Variants in MGAT4A observed in about 807,000 individuals in gnomAD.
MGAT4A encodes the protein alpha-1,3-mannosyl-glycoprotein 4-beta-N-acetylglucosaminyltransferase A, also known as N-acetylglucosaminyltransferase IVa.
In MGAT4A, 33 loss-of-function variants were observed where a neutral mutation model predicts 74.1. The ratio of observed to expected loss-of-function variants is 0.45; its 90% CI spans 0.34 to 0.60. MGAT4A has a LOEUF of 0.60. MGAT4A is among the 20% of genes least tolerant of loss of function. The probability of loss-of-function intolerance (pLI) is 0.02; values close to 1 mark genes in which losing one functional copy is unlikely to be tolerated. For synonymous variants in MGAT4A, 198 were observed against 210.4 expected, an observed-to-expected ratio of 0.94 and a Z score of 0.51; for missense variants, 479 against 628.3, an observed-to-expected ratio of 0.76 and a Z score of 2.54.
rs1244948535 is a variant in MGAT4A at position 98,623,157 on chromosome 2, A to G, written c.*2409T>C. 1.0e-6 allele frequency: 1 copy of G among 985,380 alleles called. No homozygotes were observed. The highest frequency in any genetic ancestry group is 1.7e-5 in the African/African-American group (1 of 57,252). The allele number at this position is 985,380 out of a possible 1,614,324, so 61.0% of individuals were successfully genotyped here. Reference sequence around the variant, plus strand: ...GGTAGATTCATGGGGAGAGAAGCACAAAAAAGTCCTGGAATGATAGGAAAG... The same window carrying G: ...GGTAGATTCATGGGGAGAGAAGCACGAAAAAGTCCTGGAATGATAGGAAAG... On this transcript the variant is annotated 3_prime_UTR_variant, in exon 16 of 16. Transcript: ENST00000393487.
chr2:98,678,235 A>C (rs1702005411), intron 3 of MGAT4A, 69 bp downstream of exon 3: 1 of 253,184 alleles, frequency 3.9e-6, no homozygotes, highest in African/African-American at 3.1e-5. Context: ...GTCTCAAAGA[A>C]AAAAAAAAAA....
chr2:98,686,975 A>G (rs1405776530), intron 2 of MGAT4A, among the ~76,000 whole-genome samples: 2 of 152,330 alleles, frequency 1.3e-5, no homozygotes, highest in East Asian at 3.9e-4. Context: ...CTATATGTTT[A>G]TAACAGCTCT....
At chr2:98,689,861 A>G (rs1702171999) in intron 2 of MGAT4A, among the ~76,000 whole-genome samples, 1 of 152,150 alleles carries the variant, frequency 6.6e-6, no homozygotes, top group South Asian at 2.1e-4. Flanking sequence ...GAAGACTTTG[A>G]AAGGTGGAAA....
chr2:98,686,190 T>C (rs958894022), intron 2 of MGAT4A, among the ~76,000 whole-genome samples: 4 of 152,118 alleles, frequency 2.6e-5, no homozygotes, highest in Non-Finnish European at 4.4e-5. Context: ...ATTCTGAAAA[T>C]AGCTGCACCC....
intron 14 of MGAT4A, among the ~76,000 whole-genome samples, chr2:98,631,392 G>T (rs898750592): frequency 6.6e-6 from 1 of 152,226 alleles, no homozygotes; most frequent in Non-Finnish European, 1.5e-5. Flanking sequence ...CCTCGGGCCT[G>T]TGCCCACCGA....
chr2:98,728,580 T>A (rs1242881638), intron 1 of MGAT4A, among the ~76,000 whole-genome samples: 2 of 152,054 alleles, frequency 1.3e-5, no homozygotes, highest in African/African-American at 4.8e-5. Context: ...AAACCCTGTC[T>A]CTATTAAAAA....
At chr2:98,632,063 T>A (rs549574201) in intron 14 of MGAT4A, among the ~76,000 whole-genome samples, 1 of 151,656 alleles carries the variant, frequency 6.6e-6, no homozygotes, top group Admixed American at 6.6e-5. Context: ...TGAGCCGGGA[T>A]TGCACTACTG....
intron 2 of MGAT4A, among the ~76,000 whole-genome samples, chr2:98,682,520 T>TA (rs1702075622): frequency 6.8e-6 from 1 of 146,842 alleles, no homozygotes; most frequent in African/African-American, 2.5e-5. Context: ...AACTAACAGG[T>TA]GAAAGTCTAA....
At chr2:98,723,840 C>A (rs1349844019) in intron 2 of MGAT4A, among the ~76,000 whole-genome samples, 1 of 152,114 alleles carries the variant, frequency 6.6e-6, no homozygotes, top group Non-Finnish European at 1.5e-5. Flanking sequence ...AGCAACAGAC[C>A]AATAGCTAGG....
intron 2 of MGAT4A, among the ~76,000 whole-genome samples, chr2:98,701,881 CAA>C (rs1559172662): frequency 6.6e-6 from 1 of 152,156 alleles, no homozygotes; most frequent in Non-Finnish European, 1.5e-5. Context: ...ATTTACAGCT[CAA>C]AGAGTCCCAG....
intron 4 of MGAT4A, among the ~76,000 whole-genome samples, chr2:98,674,430 A>C (rs1701952362): frequency 6.6e-6 from 1 of 152,196 alleles, no homozygotes; most frequent in African/African-American, 2.4e-5. Context: ...TGTGGAGTGT[A>C]CTTTGGTTTC....
chr2:98,645,240 T>C (rs1701467707), intron 9 of MGAT4A, among the ~76,000 whole-genome samples, 188 bp downstream of exon 9: 2 of 152,184 alleles, frequency 1.3e-5, no homozygotes, highest in South Asian at 4.1e-4. Flanking sequence ...ATCTTAGAAG[T>C]CTCCAAATTC....
chr2:98,630,071 G>T (rs1701206646), intron 14 of MGAT4A, among the ~76,000 whole-genome samples: 1 of 152,124 alleles, frequency 6.6e-6, no homozygotes, highest in African/African-American at 2.4e-5. Context: ...ATCAAATAAT[G>T]AAGAAAAAGT....
At chr2:98,717,362 T>C (rs1456479945) in intron 2 of MGAT4A, among the ~76,000 whole-genome samples, 3 of 142,774 alleles carry the variant, frequency 2.1e-5, no homozygotes, top group Non-Finnish European at 4.6e-5. Context: ...CTGGGCAACA[T>C]AGCGAGACTC....
rs1575248048 is a variant in MGAT4A, at chr2:98,645,370, T to C, written c.889+58A>G. 4.6e-6 allele frequency: 6 copies of C among 1,298,412 alleles called. No individual in the cohort carries two copies. In the East Asian group the frequency reaches 1.5e-4, roughly 33 times the overall value. The allele number at this position is 1,298,412 out of a possible 1,614,324, so 80.4% of individuals were successfully genotyped here. A position where few individuals can be genotyped will look rare whatever the true frequency, so the allele number is the denominator to read the frequency against. ...TTTAGGACAAGTAGCTACTTGGTTT[T>C]AGATTCTGAGAGTCACAGTTATTTA... is the stretch of plus-strand genomic sequence containing the variant. On this transcript the variant is annotated intron_variant, in intron 9 of 15. Coordinates refer to ENST00000393487, the MANE Select transcript of MGAT4A (RefSeq NM_012214.3).
chr2:98,640,788 T>A (rs1441526673), intron 10 of MGAT4A, among the ~76,000 whole-genome samples: 1 of 152,168 alleles, frequency 6.6e-6, no homozygotes, highest in Non-Finnish European at 1.5e-5. Flanking sequence ...AGGATTTAAT[T>A]TCAACCATCC....
chr2:98,657,414 A>G (rs1177956281), intron 6 of MGAT4A, among the ~76,000 whole-genome samples: 12 of 152,214 alleles, frequency 7.9e-5, no homozygotes. Flanking sequence ...CTGTTCCTTA[A>G]GAAGTCTATG....
At chr2:98,659,993 C>A (rs2104266284) in intron 5 of MGAT4A, among the ~76,000 whole-genome samples, 1 of 72,428 alleles carries the variant, frequency 1.4e-5, no homozygotes, top group East Asian at 5.0e-4. Context: ...TAGCTTAATC[C>A]TGGAAATTGC....
At chr2:98,647,274 G>A (rs913882832) in intron 8 of MGAT4A, among the ~76,000 whole-genome samples, 13 of 152,084 alleles carry the variant, frequency 8.5e-5, no homozygotes, top group Admixed American at 7.2e-4. Flanking sequence ...TCTCAGCCTC[G>A]CTGGAGGTGG....
Sources: gnomAD v4.1 joint callset for allele counts (sites outside exome capture counted in the v4.1 genomes callset) on GRCh38, gnomAD v4.1.1 for gene constraint, MANE v1.5 for transcripts, NCBI Gene and HGNC (gene_info 2026-07-23, HGNC 2026-07-21) for gene names.